Variants in POLA2 observed in about 807,000 individuals in gnomAD.
POLA2 encodes the protein DNA polymerase alpha 2, accessory subunit, also known as DNA polymerase alpha subunit B.
POLA2 carries 47 observed loss-of-function variants against 82.8 expected under a neutral mutation model. The ratio of observed to expected loss-of-function variants is 0.57; its 90% confidence interval spans 0.45 to 0.72. The LOEUF (loss-of-function observed/expected upper bound fraction) is 0.72, where lower values mean the gene tolerates loss of function less well. POLA2 is among the 30% of genes least tolerant of loss of function. The pLI, the probability that POLA2 is intolerant of heterozygous loss-of-function variation, is 0.00. For synonymous variants in POLA2, 287 were observed against 286.8 expected (o/e 1.00, Z -0.01); for missense variants, 634 against 728.1 (o/e 0.87, Z 1.49).
chr11:65,269,964 T>C (rs1031844197), intron 4 of POLA2, among the ~76,000 whole-genome samples: 1 of 152,174 alleles, frequency 6.6e-6, no homozygotes, highest in South Asian at 2.1e-4. Context: ...CCTGAGTAGC[T>C]GGGATTACAG....
chr11:65,265,428 T>C (rs1380060671), intron 1 of POLA2, among the ~76,000 whole-genome samples: 1 of 152,108 alleles, frequency 6.6e-6, no homozygotes, highest in African/African-American at 2.4e-5. Context: ...CTGTTTGTCA[T>C]TTTTTCTTTT....
At chr11:65,267,402 A>G (rs939441865) in intron 2 of POLA2, 75 bp from the exon 3 acceptor site, 10 of 805,820 alleles carry the variant, frequency 1.2e-5, no homozygotes, top group Non-Finnish European at 2.0e-5. Flanking sequence ...ACCTTTTATT[A>G]TCTCAAGGCT....
In POLA2 at chr11:65,297,223, CAG is replaced by C. The variant is rs764459350; in HGVS notation, c.1756_1757del (p.Arg586AlafsTer27). The C allele has an allele frequency of 6.2e-7, 1 of 1,613,636 alleles. No individual in the cohort carries two copies. Among genetic ancestry groups the C allele is most frequent in the Non-Finnish European group, 8.5e-7 (1 of 1,179,758 alleles). On this transcript the variant is annotated frameshift_variant, in exon 18 of 18. Coordinates refer to ENST00000265465, the MANE Select transcript of POLA2 (RefSeq NM_002689.4). LOFTEE classifies it high-confidence loss of function. ...CTTAGGAGGCCGGCAGCGGACGGGGCAGAGAGGCAGAGCCCATGCATTGCTGT... is the reference window on the plus strand; with the variant it reads ...CTTAGGAGGCCGGCAGCGGACGGGGCAGAGGCAGAGCCCATGCATTGCTGT...
chr11:65,278,643 T>C, intron 5 of POLA2, 87 bp from the exon 6 acceptor site: 1 of 1,098,896 alleles, frequency 9.1e-7, no homozygotes. Context: ...TTTTCTCCAG[T>C]CCCCATTTCC....
In POLA2 at chr11:65,297,297, G is replaced by A. The variant is rs1044062201; in HGVS notation, c.*28G>A. On this transcript the variant is annotated 3_prime_UTR_variant, in exon 18 of 18. Transcript: ENST00000265465. ...CTTCTGTCCTCTGCTGTTCTCTGCTGTGTGGGCCCTTAAAGTCTTAGCCAA... is the reference window on the plus strand; with the variant it reads ...CTTCTGTCCTCTGCTGTTCTCTGCTATGTGGGCCCTTAAAGTCTTAGCCAA... 6.4e-7 allele frequency: 1 copy of A among 1,557,316 alleles called. No homozygotes were observed. Among genetic ancestry groups the A allele is most frequent in the Non-Finnish European group, 8.7e-7 (1 of 1,153,388 alleles).
At chr11:65,298,892 C>T (rs1048593682), downstream of POLA2, among the ~76,000 whole-genome samples, 3 of 152,166 alleles carry the variant, frequency 2.0e-5, no homozygotes, top group Admixed American at 6.5e-5. Flanking sequence ...TGCCTGGATA[C>T]CAGTCGTGTG....
At chr11:65,288,512 G>GTTTTTTTTTTTTTT (rs572913995) in intron 11 of POLA2, among the ~76,000 whole-genome samples, 1 of 119,946 alleles carries the variant, frequency 8.3e-6, no homozygotes, top group Non-Finnish European at 1.6e-5. Flanking sequence ...TTTGTTTTTT[G>GTTTTTTTTTTTTTT]TTTTTTTTTT....
rs758072332 is a variant in POLA2 at position 65,267,544 on chromosome 11, G to A, written c.272G>A (p.Arg91Lys). 3 of 1,610,208 alleles carry A rather than the reference G, an allele frequency of 1.9e-6. No individual in the cohort carries two copies. The South Asian group carries it at 3.3e-5, about 18-fold the overall frequency. ...TCKDSGHAGA[R>K]DIVSIQELIE... ...AAGGACAGTGGCCATGCAGGAGCTAGAGACATTGTTTCCATTCAAGAGCTG... is the reference window on the plus strand; with the variant it reads ...AAGGACAGTGGCCATGCAGGAGCTAAAGACATTGTTTCCATTCAAGAGCTG... The change falls in exon 3 of 18, where the codon AGA becomes AAA. Residue 91 changes from arginine (R) to lysine (K), a missense_variant. Transcript: ENST00000265465.
chr11:65,281,933 T>C (rs529192201), intron 9 of POLA2, among the ~76,000 whole-genome samples: 1 of 152,354 alleles, frequency 6.6e-6, no homozygotes, highest in South Asian at 2.1e-4. Context: ...TTTTAGACTT[T>C]GTAGCTATAT....
downstream of POLA2, among the ~76,000 whole-genome samples, chr11:65,305,902 G>C (rs1382140844): frequency 6.6e-6 from 1 of 152,112 alleles, no homozygotes; most frequent in East Asian, 1.9e-4. Context: ...TCCTTGTGCT[G>C]GAATACCGTG....
intron 14 of POLA2, 34 bp from the exon 15 acceptor site, chr11:65,294,512 T>C: frequency 6.4e-7 from 1 of 1,558,810 alleles, no homozygotes; most frequent in Non-Finnish European, 8.8e-7. Context: ...AGCTTTGGCA[T>C]ACAAATGTTT....
At chr11:65,264,275 G>A (rs1949434127) in intron 1 of POLA2, among the ~76,000 whole-genome samples, 1 of 152,078 alleles carries the variant, frequency 6.6e-6, no homozygotes, top group African/African-American at 2.4e-5. Context: ...CGCCATGTTG[G>A]GCAGGCTGAT....
At chr11:65,275,603 A>G (rs1302752541) in intron 4 of POLA2, among the ~76,000 whole-genome samples, 1 of 152,230 alleles carries the variant, frequency 6.6e-6, no homozygotes, top group African/African-American at 2.4e-5. Context: ...AAGTAAACAT[A>G]TGAAGGATTT....
Position 65,294,403 on chromosome 11 carries a change from G to A in POLA2, c.1353+142G>A, listed in dbSNP as rs1949788030. 4 of 979,456 alleles carry A rather than the reference G, an allele frequency of 4.1e-6. No homozygotes were observed. The South Asian group carries it at 5.7e-5, about 14-fold the overall frequency. The allele number at this position is 979,456 out of a possible 1,614,324, so 60.7% of individuals were successfully genotyped here. ...ATCTTAAACTCCTTTTTTTAAACAG[G>A]CAAATGTGTCCAAAAGCTTGATGTA... On this transcript the variant is annotated intron_variant, in intron 14 of 17. Transcript: ENST00000265465.
intron 4 of POLA2, among the ~76,000 whole-genome samples, chr11:65,271,617 C>G (rs537220397): frequency 6.6e-6 from 1 of 151,332 alleles, no homozygotes; most frequent in African/African-American, 2.4e-5. Context: ...CCCAGCACTT[C>G]GGGAGGCTGA....
chr11:65,272,340 TC>T (rs1949530045), intron 4 of POLA2, among the ~76,000 whole-genome samples: 1 of 152,158 alleles, frequency 6.6e-6, no homozygotes, highest in African/African-American at 2.4e-5. Flanking sequence ...TGTTGGCCTT[TC>T]CATACAAACA....
At chr11:65,286,690 C>T (rs1949700964) in intron 10 of POLA2, among the ~76,000 whole-genome samples, 1 of 152,152 alleles carries the variant, frequency 6.6e-6, no homozygotes, top group Admixed American at 6.6e-5. Context: ...CACACCTGGC[C>T]AAATTCGTGT....
At chr11:65,285,033 G>A (rs2137555901) in intron 10 of POLA2, among the ~76,000 whole-genome samples, 1 of 152,266 alleles carries the variant, frequency 6.6e-6, no homozygotes, top group South Asian at 2.1e-4. Flanking sequence ...GGTGGCTCAT[G>A]CTGGCGCAGG....
chr11:65,266,529 G>A, intron 1 of POLA2, 53 bp from the exon 2 acceptor site: 2 of 1,602,660 alleles, frequency 1.2e-6, no homozygotes, highest in Admixed American at 1.7e-5. Flanking sequence ...TTTTCTAGGT[G>A]AAACTTCGAG....
Sources: allele counts gnomAD v4.1 joint callset (sites outside exome capture counted in the v4.1 genomes callset), GRCh38; gene constraint gnomAD v4.1.1; transcripts MANE v1.5; gene names NCBI Gene and HGNC (gene_info 2026-07-23, HGNC 2026-07-21).